FANCC: variants seen among roughly 807,000 people sequenced by gnomAD.
The protein encoded by FANCC is Fanconi anemia group C protein.
Under a neutral mutation model 71.3 loss-of-function variants are expected in FANCC, and 55 were observed. The observed-to-expected ratio is 0.77, with a 90% CI of 0.62 to 0.97. The LOEUF (loss-of-function observed/expected upper bound fraction) is 0.97, where lower values mean the gene tolerates loss of function less well. Among genes scored for constraint, FANCC ranks in the 50% least tolerant of loss-of-function variants. The pLI is 0.00. For synonymous variants in FANCC, 275 were observed against 244.9 expected, an observed-to-expected ratio of 1.12 and a Z score of -1.15; for missense variants, 678 against 670.9, an observed-to-expected ratio of 1.01 and a Z score of -0.12.
At chr9:95,107,587 GA>G in intron 13 of FANCC, 1 of 463,998 alleles carries the variant, frequency 2.2e-6, no homozygotes, top group Non-Finnish European at 3.9e-6. Flanking sequence ...GTGGGAAAAA[GA>G]ACAAAAGGCT....
At chr9:95,239,392 A>G (rs1275757969) in intron 4 of FANCC, among the ~76,000 whole-genome samples, 3 of 152,230 alleles carry the variant, frequency 2.0e-5, no homozygotes, top group Non-Finnish European at 4.4e-5. Flanking sequence ...GAGGCTAGAA[A>G]TTTTTAAACA....
chr9:95,099,670 C>T lies in FANCC; in HGVS notation c.*2037G>A, dbSNP rs2071015082. 2 of 231,856 alleles carry T rather than the reference C, an allele frequency of 8.6e-6. No homozygotes were observed. The highest frequency in any genetic ancestry group is 1.7e-5 in the Non-Finnish European group (2 of 117,346). 14.4% of individuals were successfully genotyped at this position (231,856 alleles called of 1,614,324 possible). ...ATGAAGCCAGCAGGCACTTCAGTGC[C>T]ACGTCCCCAGAGGGACAGTCCTCCC... On this transcript the variant is annotated 3_prime_UTR_variant, in exon 15 of 15. Coordinates refer to ENST00000289081, the MANE Select transcript of FANCC (RefSeq NM_000136.3).
chr9:95,249,503 T>C (rs1324426810), intron 1 of FANCC, 134 bp from the exon 2 acceptor site: 9 of 578,288 alleles, frequency 1.6e-5, no homozygotes, highest in Admixed American at 3.0e-5. Flanking sequence ...CATCTTTGAA[T>C]TGTTATAAAA....
intron 1 of FANCC, chr9:95,292,867 G>A (rs1834136194): frequency 6.3e-7 from 1 of 1,585,654 alleles, no homozygotes; most frequent in African/African-American, 1.3e-5. Flanking sequence ...GGTACAGAAT[G>A]GGACCTGAAA....
chr9:95,292,723 TCTA>T, intron 1 of FANCC: 1 of 1,332,394 alleles, frequency 7.5e-7, no homozygotes. Flanking sequence ...GTACCGAAAT[TCTA>T]CTGTTGTCCA....
chr9:95,256,339 ATC>A (rs1230877492), intron 1 of FANCC, among the ~76,000 whole-genome samples: 1 of 152,240 alleles, frequency 6.6e-6, no homozygotes, highest in East Asian at 1.9e-4. Flanking sequence ...CTAACAGCGG[ATC>A]TCTCTGCAGA....
chr9:95,151,105 C>T (rs933644770), intron 6 of FANCC, among the ~76,000 whole-genome samples: 1 of 152,184 alleles, frequency 6.6e-6, no homozygotes, highest in African/African-American at 2.4e-5. Context: ...ACTGGACACT[C>T]GAGCTTCAAG....
intron 1 of FANCC, among the ~76,000 whole-genome samples, chr9:95,249,824 A>G (rs1163288578): frequency 6.6e-6 from 1 of 152,168 alleles, no homozygotes; most frequent in Admixed American, 6.5e-5. Flanking sequence ...TTTAGGTGTA[A>G]AAAAATCTCT....
intron 4 of FANCC, among the ~76,000 whole-genome samples, chr9:95,189,190 T>G (rs1291441941): frequency 6.6e-6 from 1 of 151,524 alleles, no homozygotes; most frequent in African/African-American, 2.4e-5. Flanking sequence ...CTGCCTTCAA[T>G]GTTTTTTTTT....
chr9:95,104,968 C>T (rs1156989183), intron 14 of FANCC, among the ~76,000 whole-genome samples: 5 of 152,216 alleles, frequency 3.3e-5, no homozygotes, highest in African/African-American at 9.7e-5. Context: ...TGGCTTATTT[C>T]GCTCAGTGTA....
rs530785906 is a variant in FANCC at position 95,151,262 on chromosome 9, G to A, written c.522-1175C>T. On this transcript the variant is annotated intron_variant, in intron 6 of 14. Transcript: ENST00000289081. ...GGCAGCTTCTCCTACTTTGCCCACC[G>A]CTCTATTCCTAGCACCTAGGGATAA... is the stretch of plus-strand genomic sequence containing the variant. 7.3e-4 allele frequency among the ~76,000 whole-genome samples: 111 copies of A among 152,186 alleles called. 1 individual carries two copies. The highest frequency in any genetic ancestry group is 2.5e-3 in the African/African-American group (102 of 41,516).
chr9:95,260,394 C>T (rs1179735856), intron 1 of FANCC, among the ~76,000 whole-genome samples: 1 of 152,098 alleles, frequency 6.6e-6, no homozygotes, highest in African/African-American at 2.4e-5. Flanking sequence ...TTTGCAGGGA[C>T]GTGGATGAAG....
At chr9:95,266,912 G>T (rs374324689) in intron 1 of FANCC, among the ~76,000 whole-genome samples, 3 of 152,128 alleles carry the variant, frequency 2.0e-5, no homozygotes, top group Middle Eastern at 3.4e-3. Context: ...AAGATGGCAC[G>T]GTAAATTCAC....
chr9:95,281,498 A>G (rs1477072657), intron 1 of FANCC, among the ~76,000 whole-genome samples: 1 of 152,154 alleles, frequency 6.6e-6, no homozygotes, highest in Non-Finnish European at 1.5e-5. Flanking sequence ...AGCTGATGGA[A>G]TTCATCAGCA....
chr9:95,140,419 A>T (rs779767170), intron 7 of FANCC, among the ~76,000 whole-genome samples: 10 of 152,240 alleles, frequency 6.6e-5, no homozygotes, highest in Non-Finnish European at 1.0e-4. Context: ...GCAGGTAAAG[A>T]AATTGGTCCA....
chr9:95,294,267 G>A (rs1040392575), intron 1 of FANCC: 10 of 1,578,696 alleles, frequency 6.3e-6, no homozygotes, highest in Middle Eastern at 1.7e-4. Context: ...AGTTCTTTTC[G>A]GCCTCACATA....
intron 6 of FANCC, among the ~76,000 whole-genome samples, chr9:95,153,741 A>G (rs757060393): frequency 6.6e-6 from 1 of 152,060 alleles, no homozygotes; most frequent in Non-Finnish European, 1.5e-5. Flanking sequence ...AGTTTGCAAT[A>G]TTTTCTCCCA....
In FANCC at chr9:95,300,769, G is replaced by C. The variant is rs1441870939; in HGVS notation, c.-79+16757C>G. On this transcript the variant is annotated intron_variant, in intron 1 of 14. Transcript: ENST00000289081. ...ACTTGTTACACCAAATATTACTGCT[G>C]ACTTGGGGTGCTCCCACGTCAGAAT... 4.6e-5 allele frequency among the ~76,000 whole-genome samples: 7 copies of C among 152,164 alleles called. 1 individual carries two copies. The highest frequency in any genetic ancestry group is 1.7e-4 in the African/African-American group (7 of 41,426).
intron 4 of FANCC, among the ~76,000 whole-genome samples, chr9:95,181,119 C>A (rs574083378): frequency 6.6e-6 from 1 of 151,150 alleles, no homozygotes; most frequent in African/African-American, 2.4e-5. Context: ...CTTTCTCTCT[C>A]CTCTCTATAT....
Sources: allele counts gnomAD v4.1 joint callset (sites outside exome capture counted in the v4.1 genomes callset), GRCh38; gene constraint gnomAD v4.1.1; transcripts MANE v1.5; gene names NCBI Gene and HGNC (gene_info 2026-07-23, HGNC 2026-07-21).